TRPM7: variants seen among roughly 807,000 people sequenced by gnomAD.
TRPM7 encodes the protein transient receptor potential cation channel subfamily M member 7.
A neutral mutation model predicts 229.7 loss-of-function variants in TRPM7; 134 were observed. The observed-to-expected ratio is 0.58, with a 90% confidence interval of 0.51 to 0.67. The LOEUF (loss-of-function observed/expected upper bound fraction) is 0.67, where lower values mean the gene tolerates loss of function less well. Ranked by LOEUF, TRPM7 falls within the 30% of genes least tolerant of loss-of-function variation. TRPM7 has a pLI of 0.00. For synonymous variants in TRPM7, 699 were observed against 715.2 expected (o/e 0.98, Z 0.36); for missense variants, 1,901 against 2,210.0 (o/e 0.86, Z 2.80).
rs760601300 is a variant in TRPM7 at position 50,643,434 on chromosome 15, C to T, written c.441G>A (p.Glu147=). The T allele has an allele frequency of 6.2e-7, 1 of 1,614,140 alleles. No homozygotes were observed. Among genetic ancestry groups the T allele is most frequent in the Admixed American group, 1.7e-5 (1 of 60,014 alleles). ...ISVHGGMQKF[E]LHPRIKQLLG... ...GCAACTGCTTGATTCGTGGGTGAAG[C>T]TCAAATTTCTGCATGCCCCCATGTA... The change falls in exon 5 of 39, where the codon GAG becomes GAA. Residue 147 remains glutamate (E), a synonymous_variant. Transcript: ENST00000646667.
chr15:50,663,003 C>A lies in TRPM7; in HGVS notation c.47G>T (p.Cys16Phe). The A allele has an allele frequency of 6.2e-7, 1 of 1,613,830 alleles. No individual in the cohort carries two copies. The highest frequency in any genetic ancestry group is 8.5e-7 in the Non-Finnish European group (1 of 1,179,826). Reference protein sequence around the residue: ...WIESTLTKRECVYIIPSSKDP... With the variant: ...WIESTLTKREFVYIIPSSKDP... ...CTTGGAACTTGGTATAATATATACA[C>A]ATTCCCTCTTGGTCAAAGTGCTTTC... Residue 16 changes from cysteine to phenylalanine, a missense_variant, in exon 2 of 39, where the codon TGT becomes TTT. Physicochemically the swap from Cys to Phe is radical, Grantham distance 205 (BLOSUM62 -2). Around this residue, in one of 8 missense-constraint regions of TRPM7, gnomAD observed 794 missense variants for 881.9 expected, o/e 0.90. Transcript: ENST00000646667.
intron 1 of TRPM7, among the ~76,000 whole-genome samples, chr15:50,684,647 A>G (rs560021286): frequency 1.3e-5 from 2 of 152,230 alleles, no homozygotes; most frequent in South Asian, 4.1e-4. Context: ...CTCAAACAAA[A>G]AGAAAAAAGA....
chr15:50,568,386 C>A (rs1223703803), intron 38 of TRPM7, among the ~76,000 whole-genome samples: 1 of 151,194 alleles, frequency 6.6e-6, no homozygotes, highest in Non-Finnish European at 1.5e-5. Context: ...CCTGAGAAGT[C>A]TATTACAAAA....
intron 1 of TRPM7, among the ~76,000 whole-genome samples, chr15:50,666,002 T>C (rs1354031662): frequency 6.7e-6 from 1 of 150,268 alleles, no homozygotes; most frequent in Non-Finnish European, 1.5e-5. Context: ...CAAAAAATAA[T>C]AATTTAAAAA....
At chr15:50,686,280 C>T (rs1327446632) in intron 1 of TRPM7, among the ~76,000 whole-genome samples, 2 of 152,206 alleles carry the variant, frequency 1.3e-5, no homozygotes, top group African/African-American at 4.8e-5. Context: ...GAGGCCCTCG[C>T]TGGGAGCCGA....
At position 50,557,658 on chromosome 15, in the gene TRPM7, T is replaced by C. The variant is rs1229237007; in HGVS notation, c.*4020A>G. 6.6e-6 allele frequency: 1 copy of C among 152,222 alleles called. No homozygotes were observed. Among genetic ancestry groups the C allele is most frequent in the Non-Finnish European group, 1.5e-5 (1 of 68,036 alleles). The allele number at this position is 152,222 out of a possible 1,614,324, so 9.4% of individuals were successfully genotyped here. A position where few individuals can be genotyped will look rare whatever the true frequency, so the allele number is the denominator to read the frequency against. ...TTGCAGAAAAGAATTCCACATCTTT[T>C]TTTTGAGACAGAGTTCTGCTGTCAC... On this transcript the variant is annotated 3_prime_UTR_variant, in exon 39 of 39. Transcript: ENST00000646667.
At position 50,557,928 on chromosome 15, in the gene TRPM7, G is replaced by A. The variant is rs984374081; in HGVS notation, c.*3750C>T. 6.6e-6 allele frequency: 1 copy of A among 152,258 alleles called. No homozygotes were observed. Among genetic ancestry groups the A allele is most frequent in the Non-Finnish European group, 1.5e-5 (1 of 68,062 alleles). 9.4% of individuals were successfully genotyped at this position (152,258 alleles called of 1,614,324 possible). On this transcript the variant is annotated 3_prime_UTR_variant, in exon 39 of 39. Transcript: ENST00000646667. ...CAAAGTGATGGAATTACAGGCGTGA[G>A]CCACTGCACCTGGCCGAGAATTCCA...
At chr15:50,666,819 C>A (rs368376636) in intron 1 of TRPM7, among the ~76,000 whole-genome samples, 5 of 151,810 alleles carry the variant, frequency 3.3e-5, no homozygotes, top group Non-Finnish European at 5.9e-5. Context: ...AAAGAAGAGG[C>A]GGTGGAGGTG....
chr15:50,613,599 G>A (rs1265521792), intron 15 of TRPM7, 108 bp downstream of exon 15: 10 of 945,128 alleles, frequency 1.1e-5, no homozygotes, highest in Middle Eastern at 3.8e-4. Flanking sequence ...ATCCAAAAAC[G>A]AAAGGTAATT....
intron 19 of TRPM7, 58 bp from the exon 20 acceptor site, chr15:50,607,386 T>C (rs767678354): frequency 7.2e-7 from 1 of 1,385,470 alleles, no homozygotes; most frequent in Non-Finnish European, 9.7e-7. Context: ...ATCTTTTAAT[T>C]ATGAACATTT....
intron 38 of TRPM7, among the ~76,000 whole-genome samples, chr15:50,567,041 T>TA (rs201489892): frequency 0.069 from 10,108 of 145,486 alleles, 478 homozygotes; most frequent in African/African-American, 0.14. Flanking sequence ...ATTTGACAAT[T>TA]AAAAAAAAAA....
At chr15:50,613,224 C>T (rs2060112299) in intron 15 of TRPM7, among the ~76,000 whole-genome samples, 1 of 152,128 alleles carries the variant, frequency 6.6e-6, no homozygotes, top group South Asian at 2.1e-4. Context: ...AAAATGTACG[C>T]TGGGCGCGGT....
intron 2 of TRPM7, among the ~76,000 whole-genome samples, chr15:50,662,121 A>G (rs2899460): frequency 0.54 from 81,969 of 151,878 alleles, 22,352 homozygotes; most frequent in Admixed American, 0.62. Flanking sequence ...TTGGGAGGCC[A>G]AGGCAGGTGG....
chr15:50,625,545 AACTACAGGTGTGT>A, intron 11 of TRPM7, among the ~76,000 whole-genome samples: 1 of 152,192 alleles, frequency 6.6e-6, no homozygotes, highest in East Asian at 1.9e-4. Context: ...CGTAGCTAAG[AACTACAGGTGTGT>A]ACCCCTGACC....
intron 10 of TRPM7, among the ~76,000 whole-genome samples, chr15:50,629,508 A>C (rs894113109): frequency 4.0e-5 from 6 of 150,666 alleles, no homozygotes; most frequent in Non-Finnish European, 5.9e-5. Context: ...CCTGGGCTCA[A>C]GCAATCTGCT....
intron 2 of TRPM7, among the ~76,000 whole-genome samples, chr15:50,658,296 C>T (rs775440479): frequency 1.1e-4 from 17 of 151,916 alleles, no homozygotes; most frequent in South Asian, 2.1e-4. Context: ...TGAGCCACCG[C>T]GCCTGGCAGA....
intron 22 of TRPM7, among the ~76,000 whole-genome samples, chr15:50,598,381 G>T (rs2059686734): frequency 6.6e-6 from 1 of 152,142 alleles, no homozygotes; most frequent in African/African-American, 2.4e-5. Context: ...CTAAGAACAG[G>T]GTTGAATCAG....
intron 12 of TRPM7, among the ~76,000 whole-genome samples, chr15:50,620,290 T>G (rs1388530596): frequency 6.9e-6 from 1 of 144,416 alleles, no homozygotes; most frequent in Non-Finnish European, 1.5e-5. Flanking sequence ...AACATAGAGT[T>G]TTTTTTTCAA....
chr15:50,667,621 C>T (rs771213312), intron 1 of TRPM7, among the ~76,000 whole-genome samples: 1 of 152,150 alleles, frequency 6.6e-6, no homozygotes, highest in Non-Finnish European at 1.5e-5. Context: ...GCAGGAGAAT[C>T]GCTTGAACCC....
Sources: allele counts gnomAD v4.1 joint callset (sites outside exome capture counted in the v4.1 genomes callset), GRCh38; gene constraint gnomAD v4.1.1; regional missense constraint gnomAD v4.1.1; transcripts MANE v1.5; gene names NCBI Gene and HGNC (gene_info 2026-07-23, HGNC 2026-07-21).